The following NXPE2 variants were observed in gnomAD, a reference collection of about 807,000 sequenced individuals.
NXPE2 encodes neurexophilin and PC-esterase domain family member 2, also known as NXPE family member 2.
A neutral mutation model predicts 34.4 loss-of-function variants in NXPE2; 34 were observed. The ratio of observed to expected loss-of-function variants is 0.99; its 90% confidence interval spans 0.75 to 1.31. NXPE2 has a LOEUF of 1.31. Ranked by LOEUF, NXPE2 falls within the 40% of genes most tolerant of loss-of-function variation. NXPE2 has a pLI of 0.00. For synonymous variants in NXPE2, 235 were observed against 231.3 expected (o/e 1.02, Z -0.15); for missense variants, 649 against 672.5 (o/e 0.97, Z 0.39).
At chr11:114,548,279 AAGTT>A in the NXPE2 span, among the ~76,000 whole-genome samples, 2 of 152,166 alleles carry the variant, frequency 1.3e-5, no homozygotes, top group Non-Finnish European at 2.9e-5. Context: ...CAAGTGAACA[AAGTT>A]AGTAAGGCTA....
the NXPE2 span, among the ~76,000 whole-genome samples, chr11:114,615,757 A>G: frequency 1.2e-4 from 18 of 151,574 alleles, no homozygotes; most frequent in Non-Finnish European, 1.5e-5. Context: ...TCAGTGGATA[A>G]TAAGTACTGC....
At chr11:114,477,961 G>A in the NXPE2 span, among the ~76,000 whole-genome samples, 1 of 152,020 alleles carries the variant, frequency 6.6e-6, no homozygotes, top group Non-Finnish European at 1.5e-5. Context: ...GTGGTACCTA[G>A]TAAAACAGTT....
At chr11:114,526,910 C>T in the NXPE2 span, among the ~76,000 whole-genome samples, 1 of 152,166 alleles carries the variant, frequency 6.6e-6, no homozygotes, top group Non-Finnish European at 1.5e-5. Context: ...CAACACTACC[C>T]ATGATCTTTA....
the NXPE2 span, among the ~76,000 whole-genome samples, chr11:114,625,494 T>C: frequency 3.9e-5 from 6 of 152,168 alleles, no homozygotes; most frequent in Non-Finnish European, 8.8e-5. Context: ...TATGGCCTCG[T>C]GGGTAACCAC....
At chr11:114,735,804 G>A in the NXPE2 span, among the ~76,000 whole-genome samples, 1 of 152,134 alleles carries the variant, frequency 6.6e-6, no homozygotes, top group Admixed American at 6.6e-5. Flanking sequence ...GTAGCCTAGT[G>A]TTCCTACATG....
At chr11:114,700,129 T>C (rs11605893) in intron 3 of NXPE2, among the ~76,000 whole-genome samples, 3,151 of 152,290 alleles carry the variant, frequency 0.021, 63 homozygotes, top group Non-Finnish European at 0.036. Flanking sequence ...GCACCTTCTG[T>C]ATTCCAGACA....
intron 3 of NXPE2, among the ~76,000 whole-genome samples, chr11:114,703,359 A>T (rs577619865): frequency 2.0e-5 from 3 of 152,262 alleles, no homozygotes; most frequent in Non-Finnish European, 4.4e-5. Flanking sequence ...AACTTAGGAC[A>T]GGGTTCTCAA....
the NXPE2 span, among the ~76,000 whole-genome samples, chr11:114,465,750 A>G: frequency 6.6e-6 from 1 of 152,216 alleles, no homozygotes; most frequent in East Asian, 1.9e-4. Context: ...GATCATTTGA[A>G]CACTGGAATT....
the NXPE2 span, among the ~76,000 whole-genome samples, chr11:114,738,367 A>T: frequency 7.2e-5 from 11 of 152,196 alleles, no homozygotes; most frequent in African/African-American, 2.4e-4. Flanking sequence ...TCCTACCACT[A>T]TGAGCCTTTA....
the NXPE2 span, among the ~76,000 whole-genome samples, chr11:114,562,687 T>G: frequency 1.3e-5 from 2 of 152,286 alleles, no homozygotes; most frequent in South Asian, 4.1e-4. Context: ...TCTCTTTCAG[T>G]CGTTGTATCC....
At chr11:114,703,680 AGATAGATAGATAGATAGAT>A (rs66879332) in intron 3 of NXPE2, among the ~76,000 whole-genome samples, 78,279 of 124,272 alleles carry the variant, frequency 0.63, 21,026 homozygotes, top group Non-Finnish European at 0.66. Context: ...ATAGATAGAT[AGATAGATAGATAGATAGAT>A]GATAGATAGA....
the NXPE2 span, among the ~76,000 whole-genome samples, chr11:114,540,920 C>T: frequency 1.7e-5 from 2 of 120,272 alleles, no homozygotes; most frequent in Non-Finnish European, 3.2e-5. Context: ...TCTGCAGCAA[C>T]ACAGTCACTG....
chr11:114,661,511 A>G, the NXPE2 span, among the ~76,000 whole-genome samples: 189 of 152,288 alleles, frequency 1.2e-3, no homozygotes, highest in African/African-American at 4.3e-3. Context: ...ATTGCAACTG[A>G]TGGACTTCAA....
the NXPE2 span, among the ~76,000 whole-genome samples, chr11:114,802,476 C>T: frequency 6.6e-6 from 1 of 152,194 alleles, no homozygotes; most frequent in African/African-American, 2.4e-5. Context: ...TGGAACCAGT[C>T]ACAGGCCAGG....
the NXPE2 span, among the ~76,000 whole-genome samples, chr11:114,755,279 C>T: frequency 6.6e-6 from 1 of 152,154 alleles, no homozygotes; most frequent in East Asian, 1.9e-4. Context: ...ACTAAGGCCA[C>T]TCTTATTATT....
chr11:114,529,077 A>G, the NXPE2 span: 1 of 363,996 alleles, frequency 2.7e-6, no homozygotes, highest in Non-Finnish European at 4.9e-6. Flanking sequence ...TACTCTTAGC[A>G]TATTTTTTTT....
At chr11:114,571,032 C>T in the NXPE2 span, 2 of 1,613,450 alleles carry the variant, frequency 1.2e-6, no homozygotes, top group Non-Finnish European at 8.5e-7. Flanking sequence ...TGTTATATCC[C>T]AGGCATCAAT....
At chr11:114,806,791 C>T in the NXPE2 span, among the ~76,000 whole-genome samples, 4 of 151,858 alleles carry the variant, frequency 2.6e-5, no homozygotes, top group Non-Finnish European at 4.4e-5. Flanking sequence ...AGGAGAACTT[C>T]CCCAATCTAG....
the NXPE2 span, among the ~76,000 whole-genome samples, chr11:114,769,175 G>C: frequency 3.3e-5 from 5 of 151,452 alleles, no homozygotes. Context: ...CTCAAAAGAA[G>C]ACATTTATGT....
Sources: gnomAD v4.1 joint callset for allele counts (sites outside exome capture counted in the v4.1 genomes callset) on GRCh38, gnomAD v4.1.1 for gene constraint, MANE v1.5 for transcripts, NCBI Gene and HGNC (gene_info 2026-07-23, HGNC 2026-07-21) for gene names.